RAB43: variants seen among roughly 807,000 people sequenced by gnomAD.
RAB43 encodes ras-related protein Rab-43.
RAB43 carries 6 observed loss-of-function variants against 18.8 expected under a neutral mutation model. The ratio of observed to expected loss-of-function variants is 0.32; its 90% CI spans 0.17 to 0.63. RAB43 has a LOEUF of 0.63. Among genes scored for constraint, RAB43 ranks in the 30% least tolerant of loss-of-function variants. The pLI is 0.79. For missense variants in RAB43, 195 were observed against 289.1 expected (o/e 0.67, Z 2.36); for synonymous variants, 103 against 124.1 (o/e 0.83, Z 1.13).
chr3:129,096,424 C>G (rs940996012), intron 1 of RAB43, among the ~76,000 whole-genome samples: 3 of 152,224 alleles, frequency 2.0e-5, no homozygotes, highest in African/African-American at 7.2e-5. Flanking sequence ...ATAGTTCATG[C>G]GTCTTGCAGC....
At chr3:129,092,435 AAGC>A in intron 2 of RAB43, 2 of 655,268 alleles carry the variant, frequency 3.1e-6, no homozygotes, top group Non-Finnish European at 5.5e-6. Flanking sequence ...CTAATTGCTG[AAGC>A]AGGGTAATGG....
At chr3:129,102,662 G>A (rs1390284494) in intron 1 of RAB43, among the ~76,000 whole-genome samples, 2 of 137,256 alleles carry the variant, frequency 1.5e-5, no homozygotes, top group African/African-American at 2.7e-5. Context: ...GTCACTGGGT[G>A]GAGCAGTCTT....
chr3:129,094,905 T>C, intron 2 of RAB43, 81 bp downstream of exon 2: 1 of 1,539,310 alleles, frequency 6.5e-7, no homozygotes, highest in South Asian at 1.2e-5. Context: ...GAACTCAGGG[T>C]TACACTGTGT....
chr3:129,111,240 C>T (rs753938293), intron 1 of RAB43, among the ~76,000 whole-genome samples: 5 of 152,046 alleles, frequency 3.3e-5, no homozygotes, highest in African/African-American at 9.7e-5. Context: ...CATGGCTGGG[C>T]GCAGTGGCTC....
At chr3:129,110,067 G>A (rs912403609) in intron 1 of RAB43, among the ~76,000 whole-genome samples, 1 of 151,958 alleles carries the variant, frequency 6.6e-6, no homozygotes. Context: ...TTCTCCCCAT[G>A]TTGCCCAGGC....
intron 1 of RAB43, among the ~76,000 whole-genome samples, chr3:129,104,828 A>G (rs1428104093): frequency 1.3e-5 from 2 of 152,188 alleles, no homozygotes; most frequent in Non-Finnish European, 2.9e-5. Context: ...TTTCTGGGAT[A>G]AACTGCATTC....
chr3:129,110,107 C>T (rs183457416), intron 1 of RAB43, among the ~76,000 whole-genome samples: 197 of 152,120 alleles, frequency 1.3e-3, no homozygotes, highest in Non-Finnish European at 2.3e-3. Flanking sequence ...TGTAGCAATC[C>T]GCCCGCTTCT....
In RAB43 at chr3:129,095,957, G is replaced by A. The variant is rs957372475; in HGVS notation, c.205-788C>T. 2.0e-5 allele frequency among the ~76,000 whole-genome samples: 3 copies of A among 152,174 alleles called. No individual in the cohort carries two copies. The highest frequency in any genetic ancestry group is 1.9e-4 in the East Asian group (1 of 5,190). ...CGGGGCCAGGAGGCTGCCCACTCTGGGCAGAGATCACCAGCCAAGGGGCAT... is the reference window on the plus strand; with the variant it reads ...CGGGGCCAGGAGGCTGCCCACTCTGAGCAGAGATCACCAGCCAAGGGGCAT... On this transcript the variant is annotated intron_variant, in intron 1 of 2. Coordinates refer to ENST00000315150, the MANE Select transcript of RAB43 (RefSeq NM_198490.3). The surrounding 1 kb of genome is among the most constrained non-coding windows in gnomAD (Gnocchi z 4.2).
At position 129,121,323 on chromosome 3, in the gene RAB43, G is replaced by T. The variant is rs1247624343; in HGVS notation, c.167C>A (p.Thr56Asn). 6.2e-7 allele frequency: 1 copy of T among 1,609,716 alleles called. No individual in the cohort carries two copies. Residue 56 changes from threonine (T) to asparagine (N), a missense_variant, in exon 1 of 3, where the codon ACC (threonine) becomes AAC (asparagine). By Grantham distance (65) the Thr-to-Asn change is moderately conservative. Coordinates refer to ENST00000315150, the MANE Select transcript of RAB43 (RefSeq NM_198490.3). ...GCCCTGGATCTCCAGCGTCTTCATG[G>T]TGAAGTCGACGCCGATGGTGCTTCC... ...RQGSTIGVDFTMKTLEIQGKR... is the reference protein window; with the variant it reads ...RQGSTIGVDFNMKTLEIQGKR...
Position 129,095,385 on chromosome 3 carries a change from G to C in RAB43, c.205-216C>G, listed in dbSNP as rs1933972818. Among the ~76,000 whole-genome samples the C allele has an allele frequency of 6.6e-6, 1 of 152,030 alleles. No homozygotes were observed. Among genetic ancestry groups the C allele is most frequent in the Non-Finnish European group, 1.5e-5 (1 of 67,904 alleles). ...CTGTCCTGGCCCTCTAGGGTCCCCAGGGAAAGATGGAGGAAGGGGTACACT... is the reference window on the plus strand; with the variant it reads ...CTGTCCTGGCCCTCTAGGGTCCCCACGGAAAGATGGAGGAAGGGGTACACT... On this transcript the variant is annotated intron_variant, in intron 1 of 2. Transcript: ENST00000315150. The surrounding 1 kb of genome is among the most constrained non-coding windows in gnomAD (Gnocchi z 4.2).
chr3:129,114,352 C>A (rs1051456546), intron 1 of RAB43, among the ~76,000 whole-genome samples: 24 of 152,156 alleles, frequency 1.6e-4, no homozygotes, highest in African/African-American at 5.3e-4. Context: ...GGAGAGGGCA[C>A]AAGACAGCAA....
Position 129,095,512 on chromosome 3 carries a change from G to A in RAB43, c.205-343C>T, listed in dbSNP as rs73212413. On this transcript the variant is annotated intron_variant, in intron 1 of 2. Coordinates refer to ENST00000315150, the MANE Select transcript of RAB43 (RefSeq NM_198490.3). This position sits in a 1 kb window ranked among gnomAD's most constrained non-coding sequence, Gnocchi z 4.2. ...CAGAACCACCAGTGCTCAAGCGGCC[G>A]GCGGCTGGAAAGCTGGCTCCAGGTG... Among the ~76,000 whole-genome samples, 6,721 of 152,278 alleles carry A rather than the reference G, an allele frequency of 0.044. 183 individuals carry two copies. The highest frequency in any genetic ancestry group is 0.062 in the Non-Finnish European group (4,222 of 68,022).
At chr3:129,094,501 CTTTCTTTT>C (rs1933889217) in intron 2 of RAB43, among the ~76,000 whole-genome samples, 3 of 76,310 alleles carry the variant, frequency 3.9e-5, no homozygotes, top group Non-Finnish European at 8.2e-5. Context: ...TTGAATATAA[CTTTCTTTT>C]TTTTTTTTTT....
chr3:129,113,785 T>C (rs2107577022), intron 1 of RAB43, among the ~76,000 whole-genome samples: 1 of 152,130 alleles, frequency 6.6e-6, no homozygotes, highest in African/African-American at 2.4e-5. Flanking sequence ...TCCCAGCACT[T>C]TGGGAGGCTG....
chr3:129,094,598 T>C (rs1933906831), intron 2 of RAB43, among the ~76,000 whole-genome samples: 2 of 126,632 alleles, frequency 1.6e-5, no homozygotes, highest in African/African-American at 2.9e-5. Flanking sequence ...CACTGCAAGC[T>C]CCGCCTCCCA....
At chr3:129,094,667 A>C (rs1391698601) in intron 2 of RAB43, among the ~76,000 whole-genome samples, 1 of 151,018 alleles carries the variant, frequency 6.6e-6, no homozygotes, top group Non-Finnish European at 1.5e-5. Flanking sequence ...GGCGCCTGCC[A>C]CCACAACCGG....
At chr3:129,091,460 C>T in intron 2 of RAB43, 114 bp from the exon 3 acceptor site, 1 of 1,314,244 alleles carries the variant, frequency 7.6e-7, no homozygotes, top group East Asian at 2.5e-5. Context: ...TATAAATGGA[C>T]ACCCCTGGCA....
chr3:129,101,473 A>G (rs1442718189), intron 1 of RAB43, among the ~76,000 whole-genome samples: 2 of 152,182 alleles, frequency 1.3e-5, no homozygotes, highest in African/African-American at 4.8e-5. Context: ...ATCCTTTTAG[A>G]AGGTGATCAT....
chr3:129,098,722 A>G (rs1269365122), intron 1 of RAB43, among the ~76,000 whole-genome samples: 2 of 152,236 alleles, frequency 1.3e-5, no homozygotes, highest in Non-Finnish European at 2.9e-5. Flanking sequence ...GGATTTAAGG[A>G]AATAAATGAA....
Sources: allele counts gnomAD v4.1 joint callset (sites outside exome capture counted in the v4.1 genomes callset), GRCh38; gene constraint gnomAD v4.1.1; non-coding constraint Gnocchi (gnomAD v3.1); transcripts MANE v1.5; gene names NCBI Gene and HGNC (gene_info 2026-07-23, HGNC 2026-07-21).